ARHGAP32: variants seen among roughly 807,000 people sequenced by gnomAD.
ARHGAP32 encodes the protein Rho GTPase activating protein 32, also known as rho GTPase-activating protein 32.
In ARHGAP32, 51 loss-of-function variants were observed where a neutral mutation model predicts 186.5. The observed-to-expected ratio is 0.27, with a 90% CI of 0.22 to 0.35. ARHGAP32 has a LOEUF of 0.35. Ranked by LOEUF, ARHGAP32 falls within the 10% of genes least tolerant of loss-of-function variation. ARHGAP32 has a pLI of 1.00. For missense variants in ARHGAP32, 2,186 were observed against 2,623.5 expected, an observed-to-expected ratio of 0.83 and a Z score of 3.64; for synonymous variants, 950 against 964.3, an observed-to-expected ratio of 0.99 and a Z score of 0.27.
chr11:129,216,986 A>G (rs900665057), intron 1 of ARHGAP32, among the ~76,000 whole-genome samples: 5 of 152,010 alleles, frequency 3.3e-5, no homozygotes, highest in African/African-American at 1.2e-4. Flanking sequence ...TGCTCTGTTT[A>G]TTGAGCATAA....
At position 128,981,885 on chromosome 11, in the gene ARHGAP32, G is replaced by A. The variant is rs1945714548; in HGVS notation, c.1578C>T (p.Ser526=). Residue 526 remains serine (S), a synonymous_variant, in exon 16 of 23, where the codon TCC becomes TCT. Coordinates refer to ENST00000682385, the MANE Select transcript of ARHGAP32 (RefSeq NM_001378024.1). ...GATTTTTTGCATGCATATTTGTGATGGAACAATAGTCAGCTAGAAGAGACA... is the reference window on the plus strand; with the variant it reads ...GATTTTTTGCATGCATATTTGTGATAGAACAATAGTCAGCTAGAAGAGACA... ...RHLSLLADYC[S]ITNMHAKNLA... 6.2e-7 allele frequency: 1 copy of A among 1,613,348 alleles called. No homozygotes were observed. The highest frequency in any genetic ancestry group is 2.2e-5 in the East Asian group (1 of 44,812).
chr11:129,074,338 T>C (rs2135189966), intron 6 of ARHGAP32, among the ~76,000 whole-genome samples: 1 of 152,264 alleles, frequency 6.6e-6, no homozygotes, highest in South Asian at 2.1e-4. Flanking sequence ...ATATGTAAAA[T>C]GAATGATAGT....
rs775742546 is a variant in ARHGAP32, at chr11:128,974,349, A to T, written c.2848T>A (p.Ser950Thr). 6.2e-7 allele frequency: 1 copy of T among 1,614,214 alleles called. No homozygotes were observed. Among genetic ancestry groups the T allele is most frequent in the Non-Finnish European group, 8.5e-7 (1 of 1,180,052 alleles). The change falls in exon 21 of 23, where the codon TCT becomes ACT. Residue 950 changes from serine to threonine, a missense_variant. Ser to Thr is a moderately conservative substitution (Grantham distance 58). Around this residue, in one of 5 missense-constraint regions of ARHGAP32, gnomAD observed 1,502 missense variants for 1,570.0 expected, o/e 0.96. Transcript: ENST00000682385. ...VSNTTAQNAS[S>T]STWDKCVEER... ...TCAACGCATTTGTCCCAGGTTGAAG[A>T]TGATGCATTCTGAGCTGTGGTATTT...
In ARHGAP32 at chr11:128,973,430, C is replaced by A. The variant is rs1945452621; in HGVS notation, c.3076G>T (p.Ala1026Ser). 2 of 1,611,168 alleles carry A rather than the reference C, an allele frequency of 1.2e-6. No homozygotes were observed. The highest frequency in any genetic ancestry group is 1.7e-6 in the Non-Finnish European group (2 of 1,178,180). The change falls in exon 22 of 23, where the codon GCA (alanine) becomes TCA (serine). Residue 1026 changes from alanine (A) to serine (S), a missense_variant and splice_region_variant. Ala to Ser is a moderately conservative substitution (Grantham distance 99). Coordinates refer to ENST00000682385, the MANE Select transcript of ARHGAP32 (RefSeq NM_001378024.1). ...AVASGQTQTG[A>S]VTHDPPQDSV... The stretch of plus-strand genomic sequence containing the variant: ...TCCTGAGGGGGGTCATGGGTAACTG[C>A]TCCTAGTGGGAAATTGGGAAAAAAA...
intron 20 of ARHGAP32, among the ~76,000 whole-genome samples, chr11:128,975,577 C>CT (rs1344634009): frequency 6.6e-6 from 1 of 151,710 alleles, no homozygotes; most frequent in Non-Finnish European, 1.5e-5. Flanking sequence ...TCATTTTTTT[C>CT]TTTAAGAATA....
Position 129,159,315 on chromosome 11 carries a change from T to C in ARHGAP32, c.225+5004A>G, listed in dbSNP as rs150560801. 4.5e-3 allele frequency among the ~76,000 whole-genome samples: 680 copies of C among 151,918 alleles called. 8 individuals are homozygous for C. The highest frequency in any genetic ancestry group is 0.016 in the African/African-American group (653 of 41,426). Reference sequence around the variant, plus strand: ...ATGGATAGACTGCTAGCCAGATTAATGAAGAAGAAAAGAGAGAAGAATAAA... The same window carrying C: ...ATGGATAGACTGCTAGCCAGATTAACGAAGAAGAAAAGAGAGAAGAATAAA... On this transcript the variant is annotated intron_variant, in intron 2 of 22. Coordinates refer to ENST00000682385, the MANE Select transcript of ARHGAP32 (RefSeq NM_001378024.1).
Position 128,981,549 on chromosome 11 carries a change from T to C in ARHGAP32, c.1647A>G (p.Ile549Met). 1 of 1,613,308 alleles carries C rather than the reference T, an allele frequency of 6.2e-7. No individual in the cohort carries two copies. Among genetic ancestry groups the C allele is most frequent in the East Asian group, 2.2e-5 (1 of 44,854 alleles). The change falls in exon 17 of 23, where the codon ATA (isoleucine) becomes ATG (methionine). Residue 549 changes from isoleucine to methionine, a missense_variant. Transcript: ENST00000682385. Reference protein sequence around the residue: ...WAPNLLRSKQIESACFSGTAA... With the variant: ...WAPNLLRSKQMESACFSGTAA... ...CTGTTCCACTGAAGCAGGCAGATTC[T>C]ATCTGTTTTGATCTGTGAGGTAAAC...
At chr11:129,244,521 C>T in intron 1 of ARHGAP32, among the ~76,000 whole-genome samples, 1 of 152,146 alleles carries the variant, frequency 6.6e-6, no homozygotes, top group East Asian at 1.9e-4. Context: ...CATTACCATT[C>T]AGGACATAGG....
intron 11 of ARHGAP32, among the ~76,000 whole-genome samples, chr11:129,013,987 T>C (rs539592900): frequency 1.3e-5 from 2 of 152,306 alleles, no homozygotes; most frequent in African/African-American, 4.8e-5. Context: ...CCAAACATCC[T>C]GGATTAGAGA....
chr11:129,222,765 T>C (rs1239907512), intron 1 of ARHGAP32, among the ~76,000 whole-genome samples: 3 of 152,190 alleles, frequency 2.0e-5, no homozygotes, highest in African/African-American at 2.4e-5. Context: ...AGCAATCTAA[T>C]AGTGCAATAC....
chr11:129,146,315 A>G (rs1183743687), intron 2 of ARHGAP32, among the ~76,000 whole-genome samples: 1 of 152,168 alleles, frequency 6.6e-6, no homozygotes, highest in African/African-American at 2.4e-5. Flanking sequence ...GAAAAATTCC[A>G]GAAATAATTC....
chr11:129,053,042 C>T (rs567946726), intron 10 of ARHGAP32, among the ~76,000 whole-genome samples: 2 of 151,960 alleles, frequency 1.3e-5, no homozygotes, highest in East Asian at 1.9e-4. Flanking sequence ...CAAACCTGCA[C>T]ATTGTGCACA....
At position 129,082,475 on chromosome 11, in the gene ARHGAP32, GCAAATAAAAA is replaced by G. The variant is rs375732028; in HGVS notation, c.531+11136_531+11145del. ...ATACAGCTAACTGATCTTTGACAAA[GCAAATAAAAA>G]CATACAGTGGGGAAAGGACACCCTA... On this transcript the variant is annotated intron_variant, in intron 6 of 22. Transcript: ENST00000682385. 3.0e-3 allele frequency among the ~76,000 whole-genome samples: 457 copies of G among 152,066 alleles called. 3 individuals are homozygous for G. The highest frequency in any genetic ancestry group is 0.01 in the African/African-American group (430 of 41,516).
At chr11:129,207,373 T>C (rs1243725320) in intron 1 of ARHGAP32, among the ~76,000 whole-genome samples, 2 of 152,214 alleles carry the variant, frequency 1.3e-5, no homozygotes, top group African/African-American at 4.8e-5. Flanking sequence ...AAAACGTTCC[T>C]ATTTCTCCAC....
chr11:129,089,399 G>A (rs1350321172), intron 6 of ARHGAP32, among the ~76,000 whole-genome samples: 1 of 152,222 alleles, frequency 6.6e-6, no homozygotes, highest in African/African-American at 2.4e-5. Flanking sequence ...GTCAGAAACA[G>A]CCTTTCTAAG....
At chr11:129,181,608 A>G (rs1441173567) in intron 1 of ARHGAP32, among the ~76,000 whole-genome samples, 1 of 152,176 alleles carries the variant, frequency 6.6e-6, no homozygotes, top group Non-Finnish European at 1.5e-5. Context: ...AATCACTTAC[A>G]TAAATCTAAT....
At chr11:129,156,034 G>A (rs1467511374) in intron 2 of ARHGAP32, among the ~76,000 whole-genome samples, 1 of 152,220 alleles carries the variant, frequency 6.6e-6, no homozygotes, top group African/African-American at 2.4e-5. Flanking sequence ...AGAAGACTGT[G>A]CCGTGAGAAA....
chr11:129,016,542 C>A (rs1938347242), intron 11 of ARHGAP32, among the ~76,000 whole-genome samples: 1 of 152,160 alleles, frequency 6.6e-6, no homozygotes, highest in African/African-American at 2.4e-5. Flanking sequence ...CTGATTCTAT[C>A]TTACGTGAAA....
intron 11 of ARHGAP32, among the ~76,000 whole-genome samples, chr11:129,007,398 T>G (rs1333057359): frequency 6.6e-6 from 1 of 151,922 alleles, no homozygotes; most frequent in Non-Finnish European, 1.5e-5. Context: ...TCACTGCTGG[T>G]TATTCAGGGT....
Sources: allele counts gnomAD v4.1 joint callset (sites outside exome capture counted in the v4.1 genomes callset), GRCh38; gene constraint gnomAD v4.1.1; regional missense constraint gnomAD v4.1.1; transcripts MANE v1.5; gene names NCBI Gene and HGNC (gene_info 2026-07-23, HGNC 2026-07-21).